Variants in ADAMTS15 observed in about 807,000 individuals in gnomAD.
ADAMTS15 encodes the protein ADAM metallopeptidase with thrombospondin type 1 motif 15, also known as A disintegrin and metalloproteinase with thrombospondin motifs 15.
Under a neutral mutation model 79.1 loss-of-function variants are expected in ADAMTS15, and 35 were observed. That is an observed-to-expected ratio of 0.44 (90% CI 0.34 to 0.59). The LOEUF is 0.59. Among genes scored for constraint, ADAMTS15 ranks in the 20% least tolerant of loss-of-function variants. The pLI is 0.02. For missense variants in ADAMTS15, 1,324 were observed against 1,318.7 expected, an observed-to-expected ratio of 1.00 and a Z score of -0.06; for synonymous variants, 616 against 567.3, an observed-to-expected ratio of 1.09 and a Z score of -1.22.
In ADAMTS15 at chr11:130,462,205, G is replaced by A. The variant is rs1191197396; in HGVS notation, c.1209G>A (p.Trp403Ter). 1 of 1,614,200 alleles carries A rather than the reference G, an allele frequency of 6.2e-7. No homozygotes were observed. Among genetic ancestry groups the A allele is most frequent in the South Asian group, 1.1e-5 (1 of 91,086 alleles). The change falls in exon 3 of 8, where the codon TGG becomes TGA. Residue 403 changes from tryptophan to a stop codon, truncating the protein, a stop_gained. Coordinates refer to ENST00000299164, the MANE Select transcript of ADAMTS15 (RefSeq NM_139055.4). LOFTEE classifies it high-confidence loss of function. This position sits in a 1 kb window ranked among gnomAD's most constrained non-coding sequence, Gnocchi z 4.3. ...TCCAGATCGACCGTGCCAACCCCTG[G>A]TCAGCCTGCAGTGCTGCCATCATCA... is the stretch of plus-strand genomic sequence containing the variant. ...TLIQIDRANP[W>*]SACSAAIITD... is the part of the protein sequence containing the mutation.
chr11:130,465,668 C>T (rs193024269), intron 4 of ADAMTS15, among the ~76,000 whole-genome samples: 38 of 152,184 alleles, frequency 2.5e-4, no homozygotes, highest in Admixed American at 2.4e-3. Flanking sequence ...ATGGCCTGCA[C>T]ACTACGAAGG....
At chr11:130,471,510 C>T in intron 7 of ADAMTS15, 127 bp downstream of exon 7, 1 of 972,556 alleles carries the variant, frequency 1.0e-6, no homozygotes, top group Non-Finnish European at 1.4e-6. Flanking sequence ...GCTGCAGAGG[C>T]CACCCATACC....
chr11:130,466,206 G>A lies in ADAMTS15; in HGVS notation c.1543-3056G>A, dbSNP rs572507911. ...CATTTTCTGAAGTTTGGAGTGCTTCGGCACTCATTCCTTTCCCTCTTCACC... is the reference window on the plus strand; with the variant it reads ...CATTTTCTGAAGTTTGGAGTGCTTCAGCACTCATTCCTTTCCCTCTTCACC... On this transcript the variant is annotated intron_variant, in intron 4 of 7. Transcript: ENST00000299164. 3.3e-5 allele frequency among the ~76,000 whole-genome samples: 5 copies of A among 152,212 alleles called. No homozygotes were observed. In the South Asian group the frequency reaches 8.3e-4, roughly 25 times the overall value.
Position 130,449,977 on chromosome 11 carries a change from A to T in ADAMTS15, c.957+47A>T. The T allele has an allele frequency of 4.4e-6, 7 of 1,578,530 alleles. No homozygotes were observed. Among genetic ancestry groups the T allele is most frequent in the Non-Finnish European group, 6.0e-6 (7 of 1,166,592 alleles). On this transcript the variant is annotated intron_variant, in intron 1 of 7. Transcript: ENST00000299164. The surrounding 1 kb of genome is among the most constrained non-coding windows in gnomAD (Gnocchi z 7.8). Reference sequence around the variant, plus strand: ...TTGCACCCAGATAGTCCCGTTCTTTAGGGTCACCTCCCCTAGCGCTCCAAA... The same window carrying T: ...TTGCACCCAGATAGTCCCGTTCTTTTGGGTCACCTCCCCTAGCGCTCCAAA...
chr11:130,460,048 A>G (rs1565393470), intron 1 of ADAMTS15, among the ~76,000 whole-genome samples: 1 of 152,192 alleles, frequency 6.6e-6, no homozygotes, highest in South Asian at 2.1e-4. Flanking sequence ...TGCAAAGTGC[A>G]TGCACAGTGT....
intron 1 of ADAMTS15, chr11:130,450,487 A>AT: frequency 1.0e-6 from 1 of 975,410 alleles, no homozygotes; most frequent in Non-Finnish European, 1.2e-6. Context: ...TCATTGAGAG[A>AT]TTTTGTGGGT....
chr11:130,461,031 G>A (rs989485386), intron 1 of ADAMTS15, among the ~76,000 whole-genome samples: 1 of 152,148 alleles, frequency 6.6e-6, no homozygotes, highest in Non-Finnish European at 1.5e-5. Flanking sequence ...ATTCATGGTT[G>A]GCCAAAAGGC....
At chr11:130,459,070 G>A (rs1938147494) in intron 1 of ADAMTS15, among the ~76,000 whole-genome samples, 2 of 111,334 alleles carry the variant, frequency 1.8e-5, no homozygotes, top group South Asian at 5.8e-4. Context: ...GTCTTGCTCT[G>A]TCACCCAGGC....
rs915020341 is a variant in ADAMTS15, at chr11:130,462,969, A to G, written c.1542+189A>G. Among the ~76,000 whole-genome samples the G allele has an allele frequency of 1.3e-5, 2 of 152,176 alleles. No individual in the cohort carries two copies. Among genetic ancestry groups the G allele is most frequent in the African/African-American group, 4.8e-5 (2 of 41,442 alleles). ...GTCCTATCCCCTTCTTGACTCTAAGACCGGAGAGAAAAGCTATGGCAGGTC... is the reference window on the plus strand; with the variant it reads ...GTCCTATCCCCTTCTTGACTCTAAGGCCGGAGAGAAAAGCTATGGCAGGTC... On this transcript the variant is annotated intron_variant, in intron 4 of 7. Coordinates refer to ENST00000299164, the MANE Select transcript of ADAMTS15 (RefSeq NM_139055.4). The surrounding 1 kb of genome is among the most constrained non-coding windows in gnomAD (Gnocchi z 4.3).
Position 130,449,704 on chromosome 11 carries a change from C to T in ADAMTS15, c.731C>T (p.Thr244Met), listed in dbSNP as rs1211392101. ...HGADLEHYLL[T>M]LLATAARLYR... ...GCGGACCTGGAACATTATCTGCTGA[C>T]GCTGCTGGCAACGGCGGCGCGACTC... Residue 244 changes from threonine to methionine, a missense_variant, in exon 1 of 8, where the codon ACG (threonine) becomes ATG (methionine). Thr to Met is a moderately conservative substitution (Grantham distance 81). Coordinates refer to ENST00000299164, the MANE Select transcript of ADAMTS15 (RefSeq NM_139055.4). The surrounding 1 kb of genome is among the most constrained non-coding windows in gnomAD (Gnocchi z 7.8). 2 of 1,610,496 alleles carry T rather than the reference C, an allele frequency of 1.2e-6. No homozygotes were observed. Among genetic ancestry groups the T allele is most frequent in the African/African-American group, 1.3e-5 (1 of 74,992 alleles).
chr11:130,473,601 G>A lies in ADAMTS15; in HGVS notation c.2633G>A (p.Cys878Tyr). The change falls in exon 8 of 8, where the codon TGT becomes TAT. Residue 878 changes from cysteine to tyrosine, a missense_variant. By Grantham distance (194) the Cys-to-Tyr change is radical. Coordinates refer to ENST00000299164, the MANE Select transcript of ADAMTS15 (RefSeq NM_139055.4). ...GCCGGGCAGCGCACGGTCCCTGCCT[G>A]TGATGCAGCCCATCGGCCCGTGGAG... ...GSAGQRTVPA[C>Y]DAAHRPVETQ... The A allele has an allele frequency of 6.2e-7, 1 of 1,609,912 alleles. No homozygotes were observed. The highest frequency in any genetic ancestry group is 8.5e-7 in the Non-Finnish European group (1 of 1,179,030).
chr11:130,471,121 G>T lies in ADAMTS15; in HGVS notation c.1902+20G>T, dbSNP rs1209070569. On this transcript the variant is annotated intron_variant, in intron 6 of 7. Transcript: ENST00000299164. The stretch of plus-strand genomic sequence containing the variant: ...CCCAAGGTGAGTGAGCCTGGGGCCT[G>T]AGAACAAAGTAGGGACCAGGTCTTC... The T allele has an allele frequency of 6.2e-7, 1 of 1,606,768 alleles. No individual in the cohort carries two copies. The highest frequency in any genetic ancestry group is 8.5e-7 in the Non-Finnish European group (1 of 1,176,108).
In ADAMTS15 at chr11:130,471,242, C is replaced by T. The variant is rs763095301; in HGVS notation, c.1937C>T (p.Thr646Ile). 6.8e-6 allele frequency: 11 copies of T among 1,609,112 alleles called. No homozygotes were observed. The South Asian group carries it at 1.1e-4, about 16-fold the overall frequency. Reference protein sequence around the residue: ...VDGTLCSPDSTSVCVQGKCIK... With the variant: ...VDGTLCSPDSISVCVQGKCIK... ...GGCACGCTGTGCTCTCCTGACTCCA[C>T]CTCCGTCTGTGTCCAAGGCAAGTGC... is the stretch of plus-strand genomic sequence containing the variant. Residue 646 changes from threonine (T) to isoleucine (I), a missense_variant, in exon 7 of 8, where the codon ACC (threonine) becomes ATC (isoleucine). Physicochemically the swap from Thr to Ile is moderately conservative, Grantham distance 89 (BLOSUM62 -1). Coordinates refer to ENST00000299164, the MANE Select transcript of ADAMTS15 (RefSeq NM_139055.4).
At position 130,462,642 on chromosome 11, in the gene ADAMTS15, G is replaced by A. The variant is rs1178067846; in HGVS notation, c.1404G>A (p.Leu468=). The change falls in exon 4 of 8, where the codon CTG becomes CTA. Residue 468 remains leucine (L), a synonymous_variant. Transcript: ENST00000299164. This position sits in a 1 kb window ranked among gnomAD's most constrained non-coding sequence, Gnocchi z 4.3. ...PCPYMQYCTK[L]WCTGKAKGQM... ...CTTACATGCAGTACTGCACCAAGCT[G>A]TGGTGCACCGGGAAGGCCAAGGGAC... 7.4e-6 allele frequency: 12 copies of A among 1,613,770 alleles called. No homozygotes were observed. Among genetic ancestry groups the A allele is most frequent in the Non-Finnish European group, 9.3e-6 (11 of 1,179,804 alleles).
chr11:130,449,517 C>T lies in ADAMTS15; in HGVS notation c.544C>T (p.Pro182Ser), dbSNP rs1937914462. 1 of 1,558,522 alleles carries T rather than the reference C, an allele frequency of 6.4e-7. No individual in the cohort carries two copies. The highest frequency in any genetic ancestry group is 8.7e-7 in the Non-Finnish European group (1 of 1,153,284). ...CTGCGGGGTGGCCTCGGGCTGGAAC[C>T]CCGCCATCCTACGGGCCCTGGACCC... ...SRCGVASGWN[P>S]AILRALDPYK... Residue 182 changes from proline (P) to serine (S), a missense_variant, in exon 1 of 8, where the codon CCC becomes TCC. Coordinates refer to ENST00000299164, the MANE Select transcript of ADAMTS15 (RefSeq NM_139055.4). The surrounding 1 kb of genome is among the most constrained non-coding windows in gnomAD (Gnocchi z 7.8).
intron 5 of ADAMTS15, among the ~76,000 whole-genome samples, chr11:130,470,150 A>ATATATATATATATATATATATG (rs1565397590): frequency 1.9e-5 from 1 of 53,174 alleles, no homozygotes; most frequent in Non-Finnish European, 3.7e-5. Flanking sequence ...ATATATATAT[A>ATATATATATATATATATATATG]TGTGTATATA....
rs1445084015 is a variant in ADAMTS15 at position 130,473,049 on chromosome 11, A to G, written c.2081A>G (p.His694Arg). ...KVTGLFTKPMHGYNFVVAIPA... is the reference protein window; with the variant it reads ...KVTGLFTKPMRGYNFVVAIPA... ...ACGGCCCCCCTTTCCCCCGCCAGGCATGGCTACAATTTCGTGGTGGCCATC... is the reference window on the plus strand; with the variant it reads ...ACGGCCCCCCTTTCCCCCGCCAGGCGTGGCTACAATTTCGTGGTGGCCATC... Residue 694 changes from histidine to arginine, a missense_variant and splice_region_variant, in exon 8 of 8, where the codon CAT (histidine) becomes CGT (arginine). Transcript: ENST00000299164. 3 of 1,612,920 alleles carry G rather than the reference A, an allele frequency of 1.9e-6. No individual in the cohort carries two copies. In the African/African-American group the frequency reaches 4.0e-5, roughly 22 times the overall value.
At chr11:130,459,336 G>A (rs547711438) in intron 1 of ADAMTS15, among the ~76,000 whole-genome samples, 2 of 152,088 alleles carry the variant, frequency 1.3e-5, no homozygotes, top group Non-Finnish European at 2.9e-5. Flanking sequence ...GGCTAATTTT[G>A]TTTATGTTTT....
In ADAMTS15 at chr11:130,449,109, G is replaced by C. The variant is rs767814936; in HGVS notation, c.136G>C (p.Glu46Gln). The stretch of plus-strand genomic sequence containing the variant: ...CCGCCGCTACTACTGGCGGGGTCCC[G>C]AGGACTCCGGGGATCAGGGACTCAT... ...NGRRYYWRGP[E>Q]DSGDQGLIFQ... Residue 46 changes from glutamate (E) to glutamine (Q), a missense_variant, in exon 1 of 8, where the codon GAG becomes CAG. Transcript: ENST00000299164. This position sits in a 1 kb window ranked among gnomAD's most constrained non-coding sequence, Gnocchi z 7.8. The C allele has an allele frequency of 2.5e-5, 39 of 1,583,824 alleles. No individual in the cohort carries two copies. The East Asian group carries it at 3.6e-4, about 15-fold the overall frequency.
Sources: gnomAD v4.1 joint callset for allele counts (sites outside exome capture counted in the v4.1 genomes callset) on GRCh38, gnomAD v4.1.1 for gene constraint, Gnocchi (gnomAD v3.1) non-coding constraint, MANE v1.5 for transcripts, NCBI Gene and HGNC (gene_info 2026-07-23, HGNC 2026-07-21) for gene names.